Variants in ARHGEF10L observed in about 807,000 individuals in gnomAD.
ARHGEF10L encodes Rho guanine nucleotide exchange factor 10 like, also known as rho guanine nucleotide exchange factor 10-like protein.
In ARHGEF10L, 69 loss-of-function variants were observed where a neutral mutation model predicts 141.2. That is an observed-to-expected ratio of 0.49 (90% CI 0.40 to 0.60). ARHGEF10L has a LOEUF of 0.60. ARHGEF10L is among the 20% of genes least tolerant of loss of function. The pLI is 0.00. For synonymous variants in ARHGEF10L, 711 were observed against 718.5 expected, an observed-to-expected ratio of 0.99 and a Z score of 0.17; for missense variants, 1,482 against 1,734.3, an observed-to-expected ratio of 0.85 and a Z score of 2.58.
At chr1:17,632,612 C>A in intron 16 of ARHGEF10L, 146 bp downstream of exon 16, 1 of 1,093,900 alleles carries the variant, frequency 9.1e-7, no homozygotes, top group Non-Finnish European at 1.3e-6. Context: ...ATCCCTCTTG[C>A]CCTGCTCTGC....
At chr1:17,523,716 G>A in the ARHGEF10L span, among the ~76,000 whole-genome samples, 1 of 152,206 alleles carries the variant, frequency 6.6e-6, no homozygotes, top group South Asian at 2.1e-4. Context: ...TTGGGCTACA[G>A]TGGGACTTTT....
At chr1:17,670,012 C>T (rs1315113449) in intron 26 of ARHGEF10L, among the ~76,000 whole-genome samples, 1 of 152,248 alleles carries the variant, frequency 6.6e-6, no homozygotes, top group East Asian at 1.9e-4. Context: ...GGCCAGGATC[C>T]CCGAGCTCGG....
intron 26 of ARHGEF10L, among the ~76,000 whole-genome samples, chr1:17,671,047 T>C (rs552853919): frequency 3.2e-4 from 49 of 152,372 alleles, no homozygotes; most frequent in Non-Finnish European, 6.0e-4. Flanking sequence ...TCTGCAATTA[T>C]CTCCTTGAGT....
intron 1 of ARHGEF10L, among the ~76,000 whole-genome samples, chr1:17,572,083 AG>A (rs2078025126): frequency 6.6e-6 from 1 of 152,216 alleles, no homozygotes; most frequent in Non-Finnish European, 1.5e-5. Flanking sequence ...TCAGAAAGGC[AG>A]GGGCCATGGA....
Position 17,654,573 on chromosome 1 carries a change from C to A in ARHGEF10L, c.2395-63C>A. ...GAGTTGGATGGGGCCCAGGAATCTG[C>A]CAAATATTGGCATCTGGGCACCTTG... On this transcript the variant is annotated intron_variant, in intron 22 of 28. Transcript: ENST00000361221. This position sits in a 1 kb window ranked among gnomAD's most constrained non-coding sequence, Gnocchi z 4.3. 1 of 1,458,190 alleles carries A rather than the reference C, an allele frequency of 6.9e-7. No homozygotes were observed. Among genetic ancestry groups the A allele is most frequent in the Non-Finnish European group, 9.6e-7 (1 of 1,038,058 alleles). The allele number at this position is 1,458,190 out of a possible 1,614,324, so 90.3% of individuals were successfully genotyped here. A position where few individuals can be genotyped will look rare whatever the true frequency, so the allele number is the denominator to read the frequency against.
intron 26 of ARHGEF10L, among the ~76,000 whole-genome samples, chr1:17,675,143 C>T (rs960607066): frequency 6.6e-6 from 1 of 152,188 alleles, no homozygotes; most frequent in Admixed American, 6.5e-5. Flanking sequence ...CTGGGTTGGT[C>T]CCAGCTTTGT....
chr1:17,626,289 G>A (rs866097831), intron 14 of ARHGEF10L, among the ~76,000 whole-genome samples: 2 of 152,172 alleles, frequency 1.3e-5, no homozygotes, highest in Non-Finnish European at 2.9e-5. Flanking sequence ...CCTGAGTCTG[G>A]GTTGCAGGAA....
chr1:17,644,588 G>A lies in ARHGEF10L; in HGVS notation c.2273-3966G>A, dbSNP rs1000068887. 1.3e-5 allele frequency among the ~76,000 whole-genome samples: 2 copies of A among 152,254 alleles called. No homozygotes were observed. Among genetic ancestry groups the A allele is most frequent in the African/African-American group, 4.8e-5 (2 of 41,470 alleles). ...TGAGGTCCAGCCCAGCCTGACATCTGTGGCTGTGGCCAGCAGCATCTCCAT... is the reference window on the plus strand; with the variant it reads ...TGAGGTCCAGCCCAGCCTGACATCTATGGCTGTGGCCAGCAGCATCTCCAT... On this transcript the variant is annotated intron_variant, in intron 21 of 28. Transcript: ENST00000361221. The surrounding 1 kb of genome is among the most constrained non-coding windows in gnomAD (Gnocchi z 4.5).
chr1:17,680,324 T>G (rs1409508167), intron 26 of ARHGEF10L, among the ~76,000 whole-genome samples: 2 of 152,214 alleles, frequency 1.3e-5, no homozygotes, highest in Admixed American at 6.5e-5. Flanking sequence ...CTTGGCGACA[T>G]CTCAGCTCTA....
chr1:17,535,763 C>G (rs2076566869), upstream of ARHGEF10L, among the ~76,000 whole-genome samples: 1 of 152,144 alleles, frequency 6.6e-6, no homozygotes, highest in African/African-American at 2.4e-5. Flanking sequence ...TGGAAATGTT[C>G]CCAGAAATCC....
chr1:17,584,553 C>A (rs2078861173), intron 2 of ARHGEF10L, among the ~76,000 whole-genome samples: 1 of 152,106 alleles, frequency 6.6e-6, no homozygotes, highest in Non-Finnish European at 1.5e-5. Context: ...CATATGCTGA[C>A]AACAGCCATA....
chr1:17,532,902 T>G, the ARHGEF10L span, among the ~76,000 whole-genome samples: 1 of 152,156 alleles, frequency 6.6e-6, no homozygotes, highest in Non-Finnish European at 1.5e-5. Context: ...CCACCCCCTC[T>G]TGACCTTTTC....
At chr1:17,534,412 C>T in the ARHGEF10L span, among the ~76,000 whole-genome samples, 10 of 151,780 alleles carry the variant, frequency 6.6e-5, no homozygotes, top group African/African-American at 1.5e-4. Flanking sequence ...TGTGAACCAC[C>T]GTGCTTGGCT....
At chr1:17,600,425 C>A (rs1000877853) in intron 4 of ARHGEF10L, among the ~76,000 whole-genome samples, 4 of 152,120 alleles carry the variant, frequency 2.6e-5, no homozygotes, top group African/African-American at 4.8e-5. Flanking sequence ...TGAACCTGGA[C>A]TTCAAAAAAA....
chr1:17,634,756 G>A lies in ARHGEF10L; in HGVS notation c.1746-79G>A, dbSNP rs1196157300. 7 of 1,490,244 alleles carry A rather than the reference G, an allele frequency of 4.7e-6. No homozygotes were observed. In the African/African-American group the frequency reaches 8.4e-5, roughly 18 times the overall value. The allele number at this position is 1,490,244 out of a possible 1,614,324, so 92.3% of individuals were successfully genotyped here. ...GCGTGAAGCCTGGCTGAGCTGGTGT[G>A]GAGGAGCAATGCCCTGGGCCAGCCC... On this transcript the variant is annotated intron_variant, in intron 17 of 28. Transcript: ENST00000361221.
intron 6 of ARHGEF10L, chr1:17,604,630 A>ACTCCTGT (rs1217531923): frequency 6.6e-6 from 1 of 152,066 alleles, no homozygotes; most frequent in Non-Finnish European, 1.5e-5. Flanking sequence ...CACACTCCTG[A>ACTCCTGT]CTCCTGTCTC....
At chr1:17,611,955 C>T (rs956883591) in intron 7 of ARHGEF10L, among the ~76,000 whole-genome samples, 1 of 151,756 alleles carries the variant, frequency 6.6e-6, no homozygotes, top group Non-Finnish European at 1.5e-5. Context: ...TTCTGTCCAT[C>T]TACCTGTTCT....
At chr1:17,634,591 T>C (rs2060890133) in intron 17 of ARHGEF10L, 29 bp downstream of exon 17, 3 of 1,603,508 alleles carry the variant, frequency 1.9e-6, no homozygotes, top group South Asian at 1.1e-5. Context: ...TCCGGGGCTC[T>C]GGGGCTCTGG....
chr1:17,683,173 TGGTGCTCACTGCCCCCTGCTCTCACCGG>T lies in ARHGEF10L; in HGVS notation c.3010-4373_3010-4346del, dbSNP rs1569619439. On this transcript the variant is annotated intron_variant, in intron 26 of 28. Coordinates refer to ENST00000361221, the MANE Select transcript of ARHGEF10L (RefSeq NM_018125.4). ...TGCTCACTGCCCCCTGCTCTCACCG[TGGTGCTCACTGCCCCCTGCTCTCACCGG>T]GGTGCTCACTGCCCCCTGCTCTCAC... 7.9e-4 allele frequency among the ~76,000 whole-genome samples: 64 copies of T among 81,176 alleles called. 1 individual carries two copies. The East Asian group carries it at 0.018, about 23-fold the overall frequency. The allele number at this position is 81,176 out of a possible 152,430, so 53.3% of individuals were successfully genotyped here.
Sources: gnomAD v4.1 joint callset for allele counts (sites outside exome capture counted in the v4.1 genomes callset) on GRCh38, gnomAD v4.1.1 for gene constraint, Gnocchi (gnomAD v3.1) non-coding constraint, MANE v1.5 for transcripts, NCBI Gene and HGNC (gene_info 2026-07-23, HGNC 2026-07-21) for gene names.